Variants in CPNE5 observed in about 807,000 individuals in gnomAD.
The protein encoded by CPNE5 is copine 5.
In CPNE5, 42 loss-of-function variants were observed where a neutral mutation model predicts 81.1. The ratio of observed to expected loss-of-function variants is 0.52; its 90% confidence interval spans 0.40 to 0.67. CPNE5 has a LOEUF of 0.67. CPNE5 is among the 30% of genes least tolerant of loss of function. The pLI is 0.00. For missense variants in CPNE5, 612 were observed against 815.5 expected (o/e 0.75, Z 3.04); for synonymous variants, 313 against 321.5 (o/e 0.97, Z 0.28).
intron 19 of CPNE5, 72 bp from the exon 20 acceptor site, chr6:36,743,834 C>T: frequency 7.5e-7 from 1 of 1,336,234 alleles, no homozygotes; most frequent in Non-Finnish European, 1.1e-6. Context: ...GGAGAGTGGA[C>T]TTGTCCTTTC....
chr6:36,752,690 C>T (rs879641423), intron 14 of CPNE5: 3 of 186,514 alleles, frequency 1.6e-5, no homozygotes, highest in Admixed American at 5.9e-5. Context: ...AGAGCCTGGG[C>T]CTCCTGACTC....
Position 36,742,063 on chromosome 6 carries a change from C to G in CPNE5, c.*205G>C, listed in dbSNP as rs150397597. 1.1e-5 allele frequency: 6 copies of G among 564,710 alleles called. No homozygotes were observed. The African/African-American group carries it at 1.1e-4, about 11-fold the overall frequency. The allele number at this position is 564,710 out of a possible 1,614,324, so 35.0% of individuals were successfully genotyped here. A position where few individuals can be genotyped will look rare whatever the true frequency, so the allele number is the denominator to read the frequency against. On this transcript the variant is annotated 3_prime_UTR_variant, in exon 21 of 21. Transcript: ENST00000244751. ...GGTCCCTGTGTACCCCTCTTTCACC[C>G]GTACCCCCCTAACTCCCTGGGTTTG... is the stretch of plus-strand genomic sequence containing the variant.
At chr6:36,748,593 T>C (rs898169279) in intron 14 of CPNE5, among the ~76,000 whole-genome samples, 2 of 151,480 alleles carry the variant, frequency 1.3e-5, no homozygotes, top group African/African-American at 2.4e-5. Flanking sequence ...CTGGGTGAGG[T>C]TGGGTCTCAT....
At chr6:36,747,254 C>CGT (rs34868004) in intron 15 of CPNE5, among the ~76,000 whole-genome samples, 6 of 134,966 alleles carry the variant, frequency 4.4e-5, no homozygotes, top group Non-Finnish European at 1.0e-4. Flanking sequence ...GCTTGATTTC[C>CGT]CCCCCCAGAG....
chr6:36,780,645 G>A (rs1351361276), intron 8 of CPNE5, among the ~76,000 whole-genome samples: 6 of 152,182 alleles, frequency 3.9e-5, no homozygotes, highest in Non-Finnish European at 7.3e-5. Flanking sequence ...CAGCCACAGT[G>A]TGTGTGACCT....
At chr6:36,777,227 G>A (rs1466195440) in intron 9 of CPNE5, among the ~76,000 whole-genome samples, 1 of 152,032 alleles carries the variant, frequency 6.6e-6, no homozygotes, top group Non-Finnish European at 1.5e-5. Flanking sequence ...TCCCCTCATT[G>A]TCCTTTTGCC....
intron 8 of CPNE5, among the ~76,000 whole-genome samples, chr6:36,787,084 C>T (rs1298067792): frequency 2.0e-5 from 3 of 152,140 alleles, no homozygotes; most frequent in African/African-American, 7.2e-5. Context: ...TCAGCCACAA[C>T]ACACGACTCT....
At chr6:36,768,835 C>A (rs1463177410) in intron 10 of CPNE5, among the ~76,000 whole-genome samples, 1 of 152,234 alleles carries the variant, frequency 6.6e-6, no homozygotes. Flanking sequence ...GTGGGGTGAG[C>A]AGCCCTGGCT....
chr6:36,746,561 G>C lies in CPNE5; in HGVS notation c.1035C>G (p.Ser345=). Residue 345 remains serine, a synonymous_variant, in exon 16 of 21, where the codon TCC becomes TCG. Coordinates refer to ENST00000244751, the MANE Select transcript of CPNE5 (RefSeq NM_020939.2). This position sits in a 1 kb window ranked among gnomAD's most constrained non-coding sequence, Gnocchi z 4.5. ...AGGGGCTCATGTAGTGCAGGGATGT[G>C]GACTGTGAGGGGTTCCCTGTAACAC... ...FTASNGNPSQ[S]TSLHYMSPYQ... The C allele has an allele frequency of 6.2e-7, 1 of 1,612,294 alleles. No homozygotes were observed. Among genetic ancestry groups the C allele is most frequent in the South Asian group, 1.1e-5 (1 of 90,930 alleles).
In CPNE5 at chr6:36,796,327, C is replaced by T. The variant is rs79876132; in HGVS notation, c.405-1678G>A. Among the ~76,000 whole-genome samples the T allele has an allele frequency of 4.1e-3, 626 of 152,350 alleles. 13 individuals are homozygous for T. The highest frequency in any genetic ancestry group is 0.03 in the Admixed American group (456 of 15,300). On this transcript the variant is annotated intron_variant, in intron 6 of 20. Coordinates refer to ENST00000244751, the MANE Select transcript of CPNE5 (RefSeq NM_020939.2). ...TCTCCATAGGAAGTCTCCCTCAATA[C>T]TCCCCCACCCCCAGAGGGTGTTTCC...
chr6:36,770,784 C>T (rs368981846), intron 10 of CPNE5, among the ~76,000 whole-genome samples: 4 of 152,328 alleles, frequency 2.6e-5, no homozygotes, highest in South Asian at 4.1e-4. Context: ...AAGTTTACCT[C>T]TCTTTCCCCA....
intron 3 of CPNE5, 104 bp from the exon 4 acceptor site, chr6:36,800,174 C>T: frequency 1.4e-6 from 1 of 713,062 alleles, no homozygotes; most frequent in Non-Finnish European, 2.3e-6. Flanking sequence ...CTGGTTCTGG[C>T]AGTTATGAAA....
intron 8 of CPNE5, among the ~76,000 whole-genome samples, chr6:36,779,966 CTATTT>C (rs1307714097): frequency 2.6e-4 from 32 of 125,004 alleles, no homozygotes; most frequent in Non-Finnish European, 4.1e-4. Context: ...TCCCCCCTTC[CTATTT>C]TTTTTTTTTT....
At chr6:36,802,275 CT>C (rs1394421948) in intron 3 of CPNE5, among the ~76,000 whole-genome samples, 1 of 133,484 alleles carries the variant, frequency 7.5e-6, no homozygotes, top group African/African-American at 2.7e-5. Flanking sequence ...ATGCTATATG[CT>C]TTTTTTCCCC....
intron 2 of CPNE5, 53 bp downstream of exon 2, chr6:36,823,005 A>T (rs1009514190): frequency 1.0e-5 from 15 of 1,439,766 alleles, no homozygotes; most frequent in Non-Finnish European, 1.4e-5. Context: ...CGCTGTAATT[A>T]GTCATAGCGT....
intron 12 of CPNE5, among the ~76,000 whole-genome samples, 163 bp downstream of exon 12, chr6:36,762,754 C>T (rs970345734): frequency 1.3e-5 from 2 of 152,170 alleles, no homozygotes; most frequent in Admixed American, 6.5e-5. Context: ...GGCAAGTTCT[C>T]GCACTTCTCC....
Position 36,833,015 on chromosome 6 carries a change from C to T in CPNE5, c.95+6268G>A, listed in dbSNP as rs1226060454. On this transcript the variant is annotated intron_variant, in intron 1 of 20. Coordinates refer to ENST00000244751, the MANE Select transcript of CPNE5 (RefSeq NM_020939.2). ...TGGGTTTGCTGCTCAGAACCACAGG[C>T]AGCTGTTAGCAAGGAAGGCCTCTCC... 4.6e-5 allele frequency among the ~76,000 whole-genome samples: 7 copies of T among 152,208 alleles called. No individual in the cohort carries two copies. In the East Asian group the frequency reaches 1.2e-3, roughly 25 times the overall value.
intron 3 of CPNE5, among the ~76,000 whole-genome samples, chr6:36,806,195 C>T (rs1770577183): frequency 6.6e-6 from 1 of 152,136 alleles, no homozygotes; most frequent in African/African-American, 2.4e-5. Context: ...TGGAGAGTCT[C>T]GGGCTGCTGC....
At chr6:36,818,870 C>T (rs983248555) in intron 3 of CPNE5, among the ~76,000 whole-genome samples, 2 of 152,210 alleles carry the variant, frequency 1.3e-5, no homozygotes, top group African/African-American at 4.8e-5. Flanking sequence ...CCAAAGAGTG[C>T]CCTTCTGAAG....
Sources: gnomAD v4.1 joint callset for allele counts (sites outside exome capture counted in the v4.1 genomes callset) on GRCh38, gnomAD v4.1.1 for gene constraint, Gnocchi (gnomAD v3.1) non-coding constraint, MANE v1.5 for transcripts, NCBI Gene and HGNC (gene_info 2026-07-23, HGNC 2026-07-21) for gene names.